Variants in MBNL1 observed in about 807,000 individuals in gnomAD.
MBNL1 encodes the protein muscleblind-like protein 1.
In MBNL1, 8 loss-of-function variants were observed where a neutral mutation model predicts 42.2. The ratio of observed to expected loss-of-function variants is 0.19; its 90% CI spans 0.11 to 0.34. The LOEUF (loss-of-function observed/expected upper bound fraction) is 0.34, where lower values mean the gene tolerates loss of function less well. MBNL1 is among the 10% of genes least tolerant of loss of function. The pLI, the probability that MBNL1 is intolerant of heterozygous loss-of-function variation, is 1.00. For missense variants in MBNL1, 309 were observed against 495.3 expected, an observed-to-expected ratio of 0.62 and a Z score of 3.57; for synonymous variants, 169 against 173.9, an observed-to-expected ratio of 0.97 and a Z score of 0.22.
At chr3:152,411,488 C>G (rs1454277007) in intron 2 of MBNL1, among the ~76,000 whole-genome samples, 1 of 152,166 alleles carries the variant, frequency 6.6e-6, no homozygotes, top group Non-Finnish European at 1.5e-5. Flanking sequence ...CCACTGCACT[C>G]CAGCCTGAGC....
chr3:152,277,994 T>C (rs56054971), intron 1 of MBNL1, among the ~76,000 whole-genome samples: 16,990 of 152,110 alleles, frequency 0.11, 1,153 homozygotes, highest in Middle Eastern at 0.17. Context: ...GTCACACTTA[T>C]TACATGCCTT....
chr3:152,394,093 G>A (rs769979072), intron 2 of MBNL1, among the ~76,000 whole-genome samples: 1 of 152,126 alleles, frequency 6.6e-6, no homozygotes, highest in Non-Finnish European at 1.5e-5. Flanking sequence ...AGATTGTTGG[G>A]TAGATTTTCT....
chr3:152,399,518 A>T (rs530291292), intron 2 of MBNL1, among the ~76,000 whole-genome samples: 64 of 147,144 alleles, frequency 4.3e-4, no homozygotes, highest in African/African-American at 1.1e-3. Context: ...TTAATTAATT[A>T]TTTTTTTTTT....
intron 4 of MBNL1, among the ~76,000 whole-genome samples, chr3:152,443,506 A>ACACACACACACACACACG (rs2099173203): frequency 3.3e-5 from 5 of 151,872 alleles, no homozygotes; most frequent in Non-Finnish European, 7.4e-5. Flanking sequence ...ACACACACAC[A>ACACACACACACACACACG]CAACTTTTTA....
intron 2 of MBNL1, among the ~76,000 whole-genome samples, chr3:152,302,897 ACT>A (rs1014674774): frequency 6.6e-6 from 1 of 151,906 alleles, no homozygotes; most frequent in African/African-American, 2.4e-5. Context: ...CAAACCAAAT[ACT>A]CTCTGAGAGG....
intron 2 of MBNL1, among the ~76,000 whole-genome samples, chr3:152,354,046 A>G (rs1215802308): frequency 5.3e-5 from 8 of 152,220 alleles, no homozygotes; most frequent in African/African-American, 7.2e-5. Context: ...TGTTCAAAGT[A>G]TAATCAAGAG....
chr3:152,340,580 C>A lies in MBNL1; in HGVS notation c.174+40213C>A, dbSNP rs2092898449. 5 of 1,613,636 alleles carry A rather than the reference C, an allele frequency of 3.1e-6. No homozygotes were observed. The Admixed American group carries it at 8.3e-5, about 27-fold the overall frequency. On this transcript the variant is annotated intron_variant, in intron 2 of 9. Transcript: ENST00000324210. Reference sequence around the variant, plus strand: ...ATAGCTACAACTGACAGGATCTGTTCACCATACATACTTCCAAGTTTGGAA... The same window carrying A: ...ATAGCTACAACTGACAGGATCTGTTAACCATACATACTTCCAAGTTTGGAA...
chr3:152,333,799 C>A (rs2087167144), intron 2 of MBNL1, among the ~76,000 whole-genome samples: 1 of 152,138 alleles, frequency 6.6e-6, no homozygotes, highest in East Asian at 1.9e-4. Context: ...TTTAAAATGT[C>A]TGTCTCGTTA....
intron 2 of MBNL1, among the ~76,000 whole-genome samples, chr3:152,349,506 G>A (rs1034640113): frequency 6.6e-6 from 1 of 152,046 alleles, no homozygotes; most frequent in Non-Finnish European, 1.5e-5. Context: ...TGAAATGCTA[G>A]TGTATAATTT....
At chr3:152,252,351 T>C (rs1418319022) in intron 2 of MBNL1, among the ~76,000 whole-genome samples, 1 of 151,444 alleles carries the variant, frequency 6.6e-6, no homozygotes, top group African/African-American at 2.4e-5. Context: ...ACACTCCTTT[T>C]ACATACAATT....
At chr3:152,403,285 A>G (rs2098307662) in intron 2 of MBNL1, among the ~76,000 whole-genome samples, 1 of 152,150 alleles carries the variant, frequency 6.6e-6, no homozygotes, top group African/African-American at 2.4e-5. Flanking sequence ...CTAAGCACTT[A>G]AGAATATGCA....
intron 2 of MBNL1, chr3:152,300,930 A>G: frequency 3.0e-6 from 3 of 984,764 alleles, no homozygotes; most frequent in Non-Finnish European, 3.6e-6. Flanking sequence ...AAGGTGCTGA[A>G]CTGCTGCTAC....
chr3:152,266,757 T>G (rs755843685), upstream of MBNL1: 4 of 152,236 alleles, frequency 2.6e-5, no homozygotes, highest in Non-Finnish European at 5.9e-5. Flanking sequence ...GCCAGGGATT[T>G]GAGAGTCTCC....
At chr3:152,312,164 C>A (rs528833367) in intron 2 of MBNL1, among the ~76,000 whole-genome samples, 1 of 145,580 alleles carries the variant, frequency 6.9e-6, no homozygotes, top group East Asian at 2.0e-4. Context: ...TGCACTCCAG[C>A]CTGGGCGACA....
Position 152,300,188 on chromosome 3 carries a change from C to T in MBNL1, c.-6C>T. 3 of 1,557,820 alleles carry T rather than the reference C, an allele frequency of 1.9e-6. No homozygotes were observed. In the South Asian group the frequency reaches 3.6e-5, roughly 19 times the overall value. ...TGAAACATTTAACTACCTGTAAAAT[C>T]TAAACATGGCTGTTAGTGTCACACC... On this transcript the variant is annotated 5_prime_UTR_variant, in exon 2 of 10. Coordinates refer to ENST00000324210, the MANE Select transcript of MBNL1 (RefSeq NM_021038.5).
chr3:152,426,405 A>G (rs2098932235), intron 3 of MBNL1, among the ~76,000 whole-genome samples: 3 of 152,166 alleles, frequency 2.0e-5, no homozygotes, highest in Admixed American at 2.0e-4. Context: ...TTTCCAAATT[A>G]TTATTTTTAC....
At chr3:152,261,386 C>T (rs542224955) in intron 2 of MBNL1, among the ~76,000 whole-genome samples, 14 of 152,162 alleles carry the variant, frequency 9.2e-5, no homozygotes, top group African/African-American at 3.4e-4. Flanking sequence ...TCATGAAAGA[C>T]AAATAAAAAG....
chr3:152,382,923 C>T (rs2097246616), intron 2 of MBNL1, among the ~76,000 whole-genome samples: 1 of 152,056 alleles, frequency 6.6e-6, no homozygotes, highest in Non-Finnish European at 1.5e-5. Context: ...CCAGTCACAT[C>T]TCTTGAGGAA....
At chr3:152,284,744 T>C (rs2050544440) in intron 1 of MBNL1, among the ~76,000 whole-genome samples, 1 of 152,130 alleles carries the variant, frequency 6.6e-6, no homozygotes, top group South Asian at 2.1e-4. Context: ...TTTTATACTT[T>C]TAAAGCGGCA....
Sources: allele counts gnomAD v4.1 joint callset (sites outside exome capture counted in the v4.1 genomes callset), GRCh38; gene constraint gnomAD v4.1.1; transcripts MANE v1.5; gene names NCBI Gene and HGNC (gene_info 2026-07-23, HGNC 2026-07-21).